The following MCUR1 variants were observed in gnomAD, a reference collection of about 807,000 sequenced individuals.
MCUR1 encodes mitochondrial calcium uniporter regulator 1, also known as MCU regulator 1.
In MCUR1, 37 loss-of-function variants were observed where a neutral mutation model predicts 42.0. That is an observed-to-expected ratio of 0.88 (90% CI 0.68 to 1.16). MCUR1 has a LOEUF of 1.16. MCUR1 is among the 50% of genes most tolerant of loss of function. The pLI is 0.00. For synonymous variants in MCUR1, 229 were observed against 196.2 expected (o/e 1.17, Z -1.40); for missense variants, 469 against 468.4 (o/e 1.00, Z -0.01).
At chr6:13,794,060 A>G in intron 6 of MCUR1, 113 bp from the exon 7 acceptor site, 1 of 860,768 alleles carries the variant, frequency 1.2e-6, no homozygotes, top group Admixed American at 2.1e-5. Flanking sequence ...AACACCAGAA[A>G]GTCACCTCTG....
intron 5 of MCUR1, 111 bp downstream of exon 5, chr6:13,800,230 C>G (rs1434005651): frequency 1.3e-5 from 10 of 742,472 alleles, no homozygotes; most frequent in Non-Finnish European, 2.2e-5. Flanking sequence ...GCATATTACA[C>G]AAACATTTCA....
At chr6:13,809,753 G>A (rs1367994420) in intron 1 of MCUR1, among the ~76,000 whole-genome samples, 1 of 151,716 alleles carries the variant, frequency 6.6e-6, no homozygotes, top group Non-Finnish European at 1.5e-5. Context: ...AATTAGCCGA[G>A]TGTGGTGGTG....
At chr6:13,794,027 T>C (rs565443588) in intron 6 of MCUR1, 80 bp from the exon 7 acceptor site, 2 of 1,260,944 alleles carry the variant, frequency 1.6e-6, no homozygotes, top group Admixed American at 1.7e-5. Flanking sequence ...AATATTCTGG[T>C]CTCAGTACCT....
rs748868437 is a variant in MCUR1 at position 13,802,242 on chromosome 6, C to A, written c.639+1G>T. The A allele has an allele frequency of 1.9e-6, 3 of 1,613,352 alleles. No individual in the cohort carries two copies. Among genetic ancestry groups the A allele is most frequent in the Non-Finnish European group, 1.7e-6 (2 of 1,179,418 alleles). ...TTGCTAAACCACCCAACAAGGCTAA[C>A]CTGCTGCATCTTGGTGACCATATCT... On this transcript the variant is annotated splice_donor_variant, in intron 3 of 8. Coordinates refer to ENST00000379170, the MANE Select transcript of MCUR1 (RefSeq NM_001031713.4). LOFTEE classifies it high-confidence loss of function.
chr6:13,793,985 ACTCCTCTCTCTT>A, intron 6 of MCUR1, 38 bp from the exon 7 acceptor site: 1 of 1,585,762 alleles, frequency 6.3e-7, no homozygotes, highest in South Asian at 1.1e-5. Flanking sequence ...ATTCTGATCT[ACTCCTCTCTCTT>A]CTCCTTCTCT....
chr6:13,804,031 G>A (rs1243194930), intron 2 of MCUR1: 3 of 975,910 alleles, frequency 3.1e-6, no homozygotes, highest in Non-Finnish European at 3.7e-6. Context: ...AACATAATTA[G>A]GTTTGGCAAC....
rs865822458 is a variant in MCUR1 at position 13,799,835 on chromosome 6, T to C, written c.783+506A>G. Among the ~76,000 whole-genome samples the C allele has an allele frequency of 1.8e-3, 252 of 142,720 alleles. 2 individuals are homozygous for C. The highest frequency in any genetic ancestry group is 5.8e-3 in the African/African-American group (206 of 35,450). The allele number at this position is 142,720 out of a possible 152,430, so 93.6% of individuals were successfully genotyped here. A position where few individuals can be genotyped will look rare whatever the true frequency, so the allele number is the denominator to read the frequency against. ...TCCTAGAACACAATTTTCTTTTTTTTTTTTTTTTTTTTTTTGAGACAGTTT... is the reference window on the plus strand; with the variant it reads ...TCCTAGAACACAATTTTCTTTTTTTCTTTTTTTTTTTTTTTGAGACAGTTT... On this transcript the variant is annotated intron_variant, in intron 5 of 8. Transcript: ENST00000379170.
chr6:13,802,184 C>T, intron 3 of MCUR1, 59 bp downstream of exon 3: 1 of 1,331,726 alleles, frequency 7.5e-7, no homozygotes. Context: ...TAAAACATTA[C>T]TACAAATAAT....
intron 2 of MCUR1, among the ~76,000 whole-genome samples, chr6:13,806,115 G>A (rs899285340): frequency 1.2e-4 from 18 of 152,174 alleles, no homozygotes; most frequent in Middle Eastern, 3.4e-3. Flanking sequence ...TTAGCTGGGC[G>A]TGGAGGCTCG....
intron 6 of MCUR1, among the ~76,000 whole-genome samples, chr6:13,796,291 CTTT>C (rs369077522): frequency 4.3e-5 from 6 of 139,242 alleles, no homozygotes; most frequent in African/African-American, 2.7e-5. Flanking sequence ...TTTTTCTTTT[CTTT>C]TTTTTTTTTT....
At chr6:13,791,505 C>T (rs1759727659) in intron 8 of MCUR1, among the ~76,000 whole-genome samples, 1 of 152,074 alleles carries the variant, frequency 6.6e-6, no homozygotes, top group Non-Finnish European at 1.5e-5. Flanking sequence ...TAAAATAACT[C>T]CTTAAAAGGA....
At chr6:13,805,270 G>A (rs980359083) in intron 2 of MCUR1, among the ~76,000 whole-genome samples, 1 of 151,952 alleles carries the variant, frequency 6.6e-6, no homozygotes, top group Non-Finnish European at 1.5e-5. Context: ...GGGATTACAG[G>A]CATGAGCCAC....
At chr6:13,802,384 G>T (rs769900877) in intron 2 of MCUR1, 38 bp from the exon 3 acceptor site, 1 of 1,535,506 alleles carries the variant, frequency 6.5e-7, no homozygotes, top group Non-Finnish European at 9.0e-7. Flanking sequence ...CATGCTCAGA[G>T]TTACAAAAGC....
intron 6 of MCUR1, among the ~76,000 whole-genome samples, chr6:13,796,490 T>C (rs1759859697): frequency 6.6e-6 from 1 of 152,156 alleles, no homozygotes; most frequent in African/African-American, 2.4e-5. Flanking sequence ...TTCACCACGT[T>C]GGCCAGGCTG....
chr6:13,808,884 C>A (rs1760169626), intron 1 of MCUR1, among the ~76,000 whole-genome samples: 1 of 152,044 alleles, frequency 6.6e-6, no homozygotes, highest in African/African-American at 2.4e-5. Context: ...GCCACACTTT[C>A]TTGATTACTT....
chr6:13,802,454 G>C, intron 2 of MCUR1, 108 bp from the exon 3 acceptor site: 1 of 805,104 alleles, frequency 1.2e-6, no homozygotes, highest in Non-Finnish European at 2.0e-6. Context: ...GTACAGCACA[G>C]TGTGGTAGGA....
At chr6:13,799,420 T>A (rs1395042451) in intron 5 of MCUR1, among the ~76,000 whole-genome samples, 1 of 152,162 alleles carries the variant, frequency 6.6e-6, no homozygotes, top group Non-Finnish European at 1.5e-5. Flanking sequence ...CCTGACCTTG[T>A]GATCTACCCA....
Position 13,814,175 on chromosome 6 carries a change from C to A in MCUR1, c.255G>T (p.Pro85=). The A allele has an allele frequency of 7.4e-7, 1 of 1,343,028 alleles. No homozygotes were observed. Among genetic ancestry groups the A allele is most frequent in the Non-Finnish European group, 9.5e-7 (1 of 1,054,922 alleles). 83.2% of individuals were successfully genotyped at this position (1,343,028 alleles called of 1,614,324 possible). A position where few individuals can be genotyped will look rare whatever the true frequency, so the allele number is the denominator to read the frequency against. ...GCTCCCAGTCCCCGAGCTGCCGGCG[C>A]GGGGCTGCGGCGGCCAAGCGCGGGG... is the stretch of plus-strand genomic sequence containing the variant. ...VPSPRLAAAA[P]RRQLGDWERS... is the part of the protein sequence containing the mutation. The change falls in exon 1 of 9, where the codon CCG becomes CCT. Residue 85 remains proline (P), a synonymous_variant. Coordinates refer to ENST00000379170, the MANE Select transcript of MCUR1 (RefSeq NM_001031713.4).
chr6:13,805,666 AC>A (rs1468455348), intron 2 of MCUR1, among the ~76,000 whole-genome samples: 2 of 152,226 alleles, frequency 1.3e-5, no homozygotes, highest in African/African-American at 4.8e-5. Context: ...AAGTACCTCT[AC>A]AGAGAGTAGC....
Sources: gnomAD v4.1 joint callset for allele counts (sites outside exome capture counted in the v4.1 genomes callset) on GRCh38, gnomAD v4.1.1 for gene constraint, MANE v1.5 for transcripts, NCBI Gene and HGNC (gene_info 2026-07-23, HGNC 2026-07-21) for gene names.